The following LAMA1 variants were observed in gnomAD, a reference collection of about 807,000 sequenced individuals.
LAMA1 encodes the protein laminin subunit alpha-1.
LAMA1 carries 219 observed loss-of-function variants against 348.7 expected under a neutral mutation model. The observed-to-expected ratio is 0.63, with a 90% CI of 0.56 to 0.70. LAMA1 has a LOEUF of 0.70. Ranked by LOEUF, LAMA1 falls within the 30% of genes least tolerant of loss-of-function variation. The pLI is 0.00. For missense variants in LAMA1, 3,744 were observed against 3,888.0 expected, an observed-to-expected ratio of 0.96 and a Z score of 0.99; for synonymous variants, 1,487 against 1,491.0, an observed-to-expected ratio of 1.00 and a Z score of 0.06.
chr18:7,019,511 A>T (rs996835394), intron 19 of LAMA1, among the ~76,000 whole-genome samples: 3 of 152,152 alleles, frequency 2.0e-5, no homozygotes, highest in Non-Finnish European at 2.9e-5. Context: ...TGCCTGTCAC[A>T]TTCAGTATTT....
intron 40 of LAMA1, 36 bp from the exon 41 acceptor site, chr18:6,982,626 G>C: frequency 6.4e-7 from 1 of 1,557,506 alleles, no homozygotes; most frequent in East Asian, 2.2e-5. Context: ...GGTGAGAGCA[G>C]GGCAGGGTGG....
rs1330202633 is a variant in LAMA1, at chr18:6,961,723, T to G, written c.7489A>C (p.Ile2497Leu). 4 of 1,614,024 alleles carry G rather than the reference T, an allele frequency of 2.5e-6. No individual in the cohort carries two copies. Among genetic ancestry groups the G allele is most frequent in the Non-Finnish European group, 3.4e-6 (4 of 1,180,036 alleles). The stretch of plus-strand genomic sequence containing the variant: ...GACAAAGATTTGGGTGGCAATTCAA[T>G]GTAGCCGCCTTTCAGGAAGCTAACA... ...RSVSFLKGGY[I>L]ELPPKSLSPE... The change falls in exon 53 of 63, where the codon ATT becomes CTT. Residue 2497 changes from isoleucine (I) to leucine (L), a missense_variant. Physicochemically the swap from Ile to Leu is conservative, Grantham distance 5. Transcript: ENST00000389658.
chr18:6,996,510 T>C (rs2057781952), intron 33 of LAMA1, among the ~76,000 whole-genome samples: 1 of 152,162 alleles, frequency 6.6e-6, no homozygotes. Flanking sequence ...TGGTAGCTCA[T>C]GCCTATAATC....
chr18:7,025,620 C>A (rs1204262273), intron 17 of LAMA1, among the ~76,000 whole-genome samples: 1 of 152,206 alleles, frequency 6.6e-6, no homozygotes, highest in Admixed American at 6.5e-5. Context: ...GTCATTAGAT[C>A]AAAAACTCCC....
intron 1 of LAMA1, among the ~76,000 whole-genome samples, chr18:7,103,842 G>A (rs945753021): frequency 6.6e-6 from 1 of 151,138 alleles, no homozygotes; most frequent in African/African-American, 2.4e-5. Flanking sequence ...TCCTGCCTGG[G>A]TGACCCACTG....
intron 49 of LAMA1, 105 bp from the exon 50 acceptor site, chr18:6,965,537 A>G: frequency 5.2e-6 from 7 of 1,354,188 alleles, no homozygotes; most frequent in Non-Finnish European, 7.3e-6. Context: ...AACTGAGAAA[A>G]CTGGATCTGG....
Position 7,075,671 on chromosome 18 carries a change from CT to C in LAMA1, c.345+4303del, listed in dbSNP as rs1568057123. 6.6e-5 allele frequency among the ~76,000 whole-genome samples: 10 copies of C among 152,082 alleles called. No individual in the cohort carries two copies. The East Asian group carries it at 1.9e-3, about 29-fold the overall frequency. ...GAAAGCACTAGGCTGGGCGCGGTGG[CT>C]TACGCCGGTAATTCCAGCACTTTGG... On this transcript the variant is annotated intron_variant, in intron 3 of 62. Coordinates refer to ENST00000389658, the MANE Select transcript of LAMA1 (RefSeq NM_005559.4).
intron 3 of LAMA1, chr18:7,079,511 G>C (rs1228501936): frequency 8.6e-6 from 2 of 232,490 alleles, no homozygotes; most frequent in African/African-American, 2.3e-5. Context: ...ACATGTGGCA[G>C]GGGAGACACA....
intron 22 of LAMA1, 118 bp downstream of exon 22, chr18:7,015,604 T>TTTA (rs2057883626): frequency 2.4e-6 from 3 of 1,264,832 alleles, no homozygotes; most frequent in Non-Finnish European, 3.3e-6. Context: ...TTTTTTTTTT[T>TTTA]AAATTCACAA....
chr18:7,052,835 A>G (rs2058067320), intron 3 of LAMA1, among the ~76,000 whole-genome samples: 2 of 152,136 alleles, frequency 1.3e-5, no homozygotes, highest in African/African-American at 2.4e-5. Context: ...CCTGGCTAAT[A>G]CAGTGAAACC....
intron 34 of LAMA1, 152 bp from the exon 35 acceptor site, chr18:6,993,904 C>T (rs1328257464): frequency 2.9e-6 from 2 of 694,052 alleles, no homozygotes; most frequent in South Asian, 3.0e-5. Context: ...ATCATGCAAG[C>T]CGAGCTTAAT....
intron 1 of LAMA1, among the ~76,000 whole-genome samples, chr18:7,101,920 C>T (rs191898892): frequency 2.0e-5 from 3 of 150,220 alleles, no homozygotes; most frequent in African/African-American, 7.3e-5. Flanking sequence ...CTTAAGGGAT[C>T]TTCCTGCCTC....
rs765489991 is a variant in LAMA1, at chr18:7,023,227, C to T, written c.2638G>A (p.Ala880Thr). ...CCGTCAGCACACCTTTCACAGTGGG[C>T]GCCATCTGTGTTCCCCAGGCACTTC... is the stretch of plus-strand genomic sequence containing the variant. ...CLKCLGNTDG[A>T]HCERCADGFY... The change falls in exon 19 of 63, where the codon GCC becomes ACC. Residue 880 changes from alanine (A) to threonine (T), a missense_variant. By Grantham distance (58) the Ala-to-Thr change is moderately conservative (BLOSUM62 0). Around this residue, in one of 3 missense-constraint regions of LAMA1, gnomAD observed 1,529 missense variants for 1,689.4 expected, o/e 0.91. Coordinates refer to ENST00000389658, the MANE Select transcript of LAMA1 (RefSeq NM_005559.4). The T allele has an allele frequency of 1.1e-5, 17 of 1,613,690 alleles. No individual in the cohort carries two copies. The East Asian group carries it at 1.6e-4, about 15-fold the overall frequency.
rs1363528854 is a variant in LAMA1, at chr18:7,117,776, A to G, written c.-56T>C. The G allele has an allele frequency of 2.6e-6, 4 of 1,520,314 alleles. No homozygotes were observed. The African/African-American group carries it at 5.5e-5, about 21-fold the overall frequency. The allele number at this position is 1,520,314 out of a possible 1,614,324, so 94.2% of individuals were successfully genotyped here. A position where few individuals can be genotyped will look rare whatever the true frequency, so the allele number is the denominator to read the frequency against. Reference sequence around the variant, plus strand: ...GGAGAAAGCCGCGCGCCCGCCTGGAACGCTCCACGGGACGCGAGTCCGCGC... The same window carrying G: ...GGAGAAAGCCGCGCGCCCGCCTGGAGCGCTCCACGGGACGCGAGTCCGCGC... On this transcript the variant is annotated 5_prime_UTR_variant, in exon 1 of 63. Transcript: ENST00000389658.
chr18:6,953,269 C>T (rs954056082), intron 57 of LAMA1, among the ~76,000 whole-genome samples: 41 of 152,264 alleles, frequency 2.7e-4, no homozygotes, highest in African/African-American at 8.9e-4. Flanking sequence ...TGTCTAGGTT[C>T]GCAGATCGAC....
At chr18:7,099,029 G>T (rs943485428) in intron 1 of LAMA1, among the ~76,000 whole-genome samples, 1 of 152,066 alleles carries the variant, frequency 6.6e-6, no homozygotes, top group Non-Finnish European at 1.5e-5. Flanking sequence ...ATAGAAAGGG[G>T]GGAAAGGCGG....
At chr18:7,036,346 C>A (rs2057994742) in intron 12 of LAMA1, among the ~76,000 whole-genome samples, 1 of 152,208 alleles carries the variant, frequency 6.6e-6, no homozygotes, top group Admixed American at 6.5e-5. Context: ...TTAGAGACCA[C>A]AAGGCAAATT....
chr18:7,087,805 T>TA (rs2058223598), intron 1 of LAMA1, among the ~76,000 whole-genome samples: 1 of 152,166 alleles, frequency 6.6e-6, no homozygotes, highest in African/African-American at 2.4e-5. Flanking sequence ...CCGAGGGCTT[T>TA]ACCTCCCAGT....
At chr18:7,106,204 G>A (rs532135176) in intron 1 of LAMA1, among the ~76,000 whole-genome samples, 3 of 152,240 alleles carry the variant, frequency 2.0e-5, no homozygotes, top group East Asian at 3.9e-4. Context: ...TGGGCAGGAC[G>A]GGATCAATGC....
Sources: allele counts gnomAD v4.1 joint callset (sites outside exome capture counted in the v4.1 genomes callset), GRCh38; gene constraint gnomAD v4.1.1; regional missense constraint gnomAD v4.1.1; transcripts MANE v1.5; gene names NCBI Gene and HGNC (gene_info 2026-07-23, HGNC 2026-07-21).